SLC7A5: variants seen among roughly 807,000 people sequenced by gnomAD.
The protein encoded by SLC7A5 is large neutral amino acids transporter small subunit 1.
A neutral mutation model predicts 50.2 loss-of-function variants in SLC7A5; 23 were observed. The observed-to-expected ratio is 0.46, with a 90% CI of 0.33 to 0.65. The LOEUF (loss-of-function observed/expected upper bound fraction) is 0.65, where lower values mean the gene tolerates loss of function less well. Ranked by LOEUF, SLC7A5 falls within the 30% of genes least tolerant of loss-of-function variation. The pLI is 0.02. For synonymous variants in SLC7A5, 393 were observed against 330.6 expected (o/e 1.19, Z -2.05); for missense variants, 578 against 684.4 (o/e 0.84, Z 1.73).
chr16:87,848,757 T>G (rs935292141), intron 2 of SLC7A5, among the ~76,000 whole-genome samples: 5 of 152,200 alleles, frequency 3.3e-5, no homozygotes, highest in African/African-American at 7.2e-5. Context: ...ACTCTCCCAT[T>G]CACGTGCCTA....
At chr16:87,864,512 T>C (rs2055438225) in intron 1 of SLC7A5, among the ~76,000 whole-genome samples, 2 of 152,134 alleles carry the variant, frequency 1.3e-5, no homozygotes, top group Admixed American at 6.5e-5. Flanking sequence ...TCCACTGCCC[T>C]TCTCCGAGCT....
intron 1 of SLC7A5, among the ~76,000 whole-genome samples, chr16:87,858,663 C>G (rs529618458): frequency 6.6e-6 from 1 of 152,156 alleles, no homozygotes; most frequent in Non-Finnish European, 1.5e-5. Context: ...ATCTCACCCT[C>G]GTGCTCTGGC....
Position 87,832,603 on chromosome 16 carries a change from A to C in SLC7A5, c.*367T>G, listed in dbSNP as rs1486832470. ...CTGGGCCCTTGGGGCAGGAGAAAGG[A>C]AGGCTCCTGCCTTCCCCCAGCTCCT... On this transcript the variant is annotated 3_prime_UTR_variant, in exon 10 of 10. Coordinates refer to ENST00000261622, the MANE Select transcript of SLC7A5 (RefSeq NM_003486.7). This position sits in a 1 kb window ranked among gnomAD's most constrained non-coding sequence, Gnocchi z 4.6. 6.3e-6 allele frequency: 1 copy of C among 157,858 alleles called. No homozygotes were observed. The highest frequency in any genetic ancestry group is 1.4e-5 in the Non-Finnish European group (1 of 71,522). The allele number at this position is 157,858 out of a possible 1,614,324, so 9.8% of individuals were successfully genotyped here. A position where few individuals can be genotyped will look rare whatever the true frequency, so the allele number is the denominator to read the frequency against.
intron 1 of SLC7A5, among the ~76,000 whole-genome samples, chr16:87,865,434 T>A (rs1207581797): frequency 6.6e-6 from 1 of 152,118 alleles, no homozygotes; most frequent in Non-Finnish European, 1.5e-5. Flanking sequence ...TTAGGCCAGG[T>A]GTGGTGGCTC....
chr16:87,838,467 T>C (rs1489916189), intron 6 of SLC7A5, among the ~76,000 whole-genome samples: 1 of 152,092 alleles, frequency 6.6e-6, no homozygotes, highest in Non-Finnish European at 1.5e-5. Context: ...AATTTTTGTA[T>C]ATTTTTGTAG....
chr16:87,869,201 G>C lies in SLC7A5; in HGVS notation c.222C>G (p.Gly74=). 2 of 1,612,468 alleles carry C rather than the reference G, an allele frequency of 1.2e-6. No individual in the cohort carries two copies. The highest frequency in any genetic ancestry group is 1.7e-6 in the Non-Finnish European group (2 of 1,179,816). The change falls in exon 1 of 10, where the codon GGC becomes GGG. Residue 74 remains glycine (G), a synonymous_variant. Coordinates refer to ENST00000261622, the MANE Select transcript of SLC7A5 (RefSeq NM_003486.7). ...IGSGIFVTPT[G]VLKEAGSPGL... is the part of the protein sequence containing the mutation. ...CCGGCGAGCCTGCCTCCTTGAGCAC[G>C]CCCGTGGGCGTCACGAAGATGCCCG...
chr16:87,864,184 C>T (rs1282541472), intron 1 of SLC7A5, among the ~76,000 whole-genome samples: 4 of 150,876 alleles, frequency 2.7e-5, no homozygotes, highest in Admixed American at 1.3e-4. Flanking sequence ...CCCAGCTACT[C>T]GGGAGGCTGA....
Position 87,862,990 on chromosome 16 carries a change from G to A in SLC7A5, c.538+5895C>T, listed in dbSNP as rs1024144598. Among the ~76,000 whole-genome samples, 5 of 152,208 alleles carry A rather than the reference G, an allele frequency of 3.3e-5. No homozygotes were observed. The highest frequency in any genetic ancestry group is 7.3e-5 in the Non-Finnish European group (5 of 68,044). On this transcript the variant is annotated intron_variant, in intron 1 of 9. Coordinates refer to ENST00000261622, the MANE Select transcript of SLC7A5 (RefSeq NM_003486.7). The surrounding 1 kb of genome is among the most constrained non-coding windows in gnomAD (Gnocchi z 5.3). Reference sequence around the variant, plus strand: ...CCCGCAGCCAGAGTCCCGCGAGACCGACGGACGGCCTGCCCCTGCGTGACG... The same window carrying A: ...CCCGCAGCCAGAGTCCCGCGAGACCAACGGACGGCCTGCCCCTGCGTGACG...
chr16:87,849,456 A>G (rs2055192589), intron 2 of SLC7A5, among the ~76,000 whole-genome samples: 1 of 152,214 alleles, frequency 6.6e-6, no homozygotes, highest in Non-Finnish European at 1.5e-5. Context: ...CCTATTATGT[A>G]TTCAAGTCGA....
At chr16:87,858,522 A>T (rs2055348440) in intron 1 of SLC7A5, among the ~76,000 whole-genome samples, 3 of 152,280 alleles carry the variant, frequency 2.0e-5, no homozygotes, top group Middle Eastern at 3.4e-3. Context: ...AGGTGGAAGG[A>T]CACTTGTGGC....
Position 87,837,928 on chromosome 16 carries a change from C to T in SLC7A5, c.1057G>A (p.Gly353Arg). 1 of 1,605,148 alleles carries T rather than the reference C, an allele frequency of 6.2e-7. No individual in the cohort carries two copies. The highest frequency in any genetic ancestry group is 8.5e-7 in the Non-Finnish European group (1 of 1,177,152). ...GAGGGCAGGTGGCCTTCCCGGGACC[C>T]CACGAAGAAGAGCCTGTGGACAGAC... ...LFTSSRLFFV[G>R]SREGHLPSIL... Residue 353 changes from glycine (G) to arginine (R), a missense_variant, in exon 7 of 10, where the codon GGG becomes AGG. By Grantham distance (125) the Gly-to-Arg change is moderately radical. Coordinates refer to ENST00000261622, the MANE Select transcript of SLC7A5 (RefSeq NM_003486.7).
At chr16:87,843,192 T>G (rs1260957234) in intron 2 of SLC7A5, among the ~76,000 whole-genome samples, 4 of 151,918 alleles carry the variant, frequency 2.6e-5, no homozygotes, top group Non-Finnish European at 5.9e-5. Context: ...GCCAGACACA[T>G]CAATCCTCAT....
intron 1 of SLC7A5, chr16:87,854,079 C>G (rs1489484108): frequency 7.1e-6 from 1 of 141,258 alleles, no homozygotes; most frequent in Non-Finnish European, 1.6e-5. Context: ...CCCGCCCCCC[C>G]CCCCACCGCC....
intron 5 of SLC7A5, among the ~76,000 whole-genome samples, chr16:87,839,069 T>G (rs2055049785): frequency 6.6e-6 from 1 of 152,210 alleles, no homozygotes; most frequent in South Asian, 2.1e-4. Flanking sequence ...TGGGACTCCC[T>G]GGAGCAAGCT....
In SLC7A5 at chr16:87,852,357, C is replaced by T. The variant is rs74618596; in HGVS notation, c.539-508G>A. Among the ~76,000 whole-genome samples the T allele has an allele frequency of 7.0e-3, 1,064 of 152,288 alleles. 7 individuals carry two copies. The highest frequency in any genetic ancestry group is 0.025 in the African/African-American group (1,023 of 41,544). On this transcript the variant is annotated intron_variant, in intron 1 of 9. Transcript: ENST00000261622. The surrounding 1 kb of genome is among the most constrained non-coding windows in gnomAD (Gnocchi z 4.5). ...GGATTCCAACAGAAGTGGGGTGTCC[C>T]GCTTTCCCGGAACTACCTGGCCAGT...
At chr16:87,842,576 G>A (rs1440413008) in intron 2 of SLC7A5, among the ~76,000 whole-genome samples, 1 of 152,218 alleles carries the variant, frequency 6.6e-6, no homozygotes, top group Non-Finnish European at 1.5e-5. Context: ...CTGCTTCCCC[G>A]TGGCGTGCTG....
At chr16:87,839,971 A>G (rs12927136) in intron 4 of SLC7A5, 146 bp from the exon 5 acceptor site, 256,634 of 1,106,764 alleles carry the variant, frequency 0.23, 34,102 homozygotes, top group South Asian at 0.45. Context: ...CAGCAAGAGA[A>G]CACAGGCTGG....
chr16:87,853,266 G>A lies in SLC7A5; in HGVS notation c.539-1417C>T, dbSNP rs372533854. 1.9e-4 allele frequency among the ~76,000 whole-genome samples: 29 copies of A among 152,296 alleles called. No individual in the cohort carries two copies. The East Asian group carries it at 4.2e-3, about 22-fold the overall frequency. On this transcript the variant is annotated intron_variant, in intron 1 of 9. Transcript: ENST00000261622. This position sits in a 1 kb window ranked among gnomAD's most constrained non-coding sequence, Gnocchi z 4.4. ...TCCATGCTAATTAACTAATGACACC[G>A]GAAACGTCCTGAGGTGCGGGACGGG...
intron 1 of SLC7A5, among the ~76,000 whole-genome samples, chr16:87,858,386 G>T (rs1294770860): frequency 6.6e-6 from 1 of 152,156 alleles, no homozygotes; most frequent in African/African-American, 2.4e-5. Flanking sequence ...GCCACTGCTG[G>T]CTAAGTGCGG....
Sources: gnomAD v4.1 joint callset for allele counts (sites outside exome capture counted in the v4.1 genomes callset) on GRCh38, gnomAD v4.1.1 for gene constraint, Gnocchi (gnomAD v3.1) non-coding constraint, MANE v1.5 for transcripts, NCBI Gene and HGNC (gene_info 2026-07-23, HGNC 2026-07-21) for gene names.